Variants in METTL15 observed in about 807,000 individuals in gnomAD.
METTL15 encodes methyltransferase 15, mitochondrial 12S rRNA N4-cytidine.
Under a neutral mutation model 38.3 loss-of-function variants are expected in METTL15, and 34 were observed. The observed-to-expected ratio is 0.89, with a 90% CI of 0.68 to 1.18. The LOEUF (loss-of-function observed/expected upper bound fraction) is 1.18, where lower values mean the gene tolerates loss of function less well. Ranked by LOEUF, METTL15 falls within the 50% of genes most tolerant of loss-of-function variation. The pLI is 0.00. For missense variants in METTL15, 438 were observed against 498.4 expected, an observed-to-expected ratio of 0.88 and a Z score of 1.15; for synonymous variants, 162 against 170.9, an observed-to-expected ratio of 0.95 and a Z score of 0.41.
In METTL15 at chr11:28,126,443, C is replaced by T. The variant is rs76826155; in HGVS notation, c.270+12839C>T. On this transcript the variant is annotated intron_variant, in intron 3 of 6. Transcript: ENST00000407364. ...TTTGTCTGACTTTTACCACTGTATC[C>T]TCAGTGCTAAGAGCATTTGATATGT... Among the ~76,000 whole-genome samples, 1,059 of 152,138 alleles carry T rather than the reference C, an allele frequency of 7.0e-3. 7 individuals carry two copies. Among genetic ancestry groups the T allele is most frequent in the African/African-American group, 0.023 (963 of 41,522 alleles).
intron 4 of METTL15, among the ~76,000 whole-genome samples, chr11:28,245,734 G>A (rs1327022777): frequency 6.6e-6 from 1 of 152,154 alleles, no homozygotes; most frequent in Non-Finnish European, 1.5e-5. Context: ...CATGGCTGGG[G>A]ATGCCTCAGG....
At chr11:28,175,392 G>C (rs757993953) in intron 3 of METTL15, among the ~76,000 whole-genome samples, 40 of 152,202 alleles carry the variant, frequency 2.6e-4, no homozygotes, top group Non-Finnish European at 5.6e-4. Context: ...ATTGTGAATA[G>C]TGCTGTAATA....
At chr11:28,274,725 T>G (rs1342871632) in intron 4 of METTL15, among the ~76,000 whole-genome samples, 1 of 152,018 alleles carries the variant, frequency 6.6e-6, no homozygotes, top group East Asian at 1.9e-4. Context: ...CTTGGTTGTA[T>G]GTAGTTTTGC....
At chr11:28,281,946 G>T (rs1329299565) in intron 4 of METTL15, among the ~76,000 whole-genome samples, 1 of 152,164 alleles carries the variant, frequency 6.6e-6, no homozygotes, top group Non-Finnish European at 1.5e-5. Context: ...CTGAGTGAGA[G>T]AAATATAATT....
intron 4 of METTL15, among the ~76,000 whole-genome samples, chr11:28,355,058 A>G (rs1434146427): frequency 6.6e-6 from 1 of 152,202 alleles, no homozygotes; most frequent in Non-Finnish European, 1.5e-5. Flanking sequence ...TGAAGGACCC[A>G]CAAAAGCACT....
intron 6 of METTL15, among the ~76,000 whole-genome samples, chr11:28,462,066 C>T (rs1851220549): frequency 6.6e-6 from 1 of 152,044 alleles, no homozygotes; most frequent in East Asian, 1.9e-4. Context: ...ATGTGACTCA[C>T]TATCCATGAT....
intron 5 of METTL15, among the ~76,000 whole-genome samples, chr11:28,421,666 A>G (rs1320768031): frequency 7.2e-5 from 11 of 151,942 alleles, no homozygotes; most frequent in Admixed American, 2.0e-4. Context: ...CATCTGCATG[A>G]TAAAAACCCT....
At position 28,199,933 on chromosome 11, in the gene METTL15, G is replaced by A. The variant is rs182968721; in HGVS notation, c.271-11129G>A. 4.9e-3 allele frequency among the ~76,000 whole-genome samples: 742 copies of A among 151,904 alleles called. 3 individuals carry two copies. The highest frequency in any genetic ancestry group is 8.5e-3 in the Non-Finnish European group (576 of 67,938). ...AATTTTTTGTATTTTTAGTAGAGAC[G>A]GGGTTTCACCATGTTGGTCAGGCTG... On this transcript the variant is annotated intron_variant, in intron 3 of 6. Transcript: ENST00000407364.
At chr11:28,354,181 C>G (rs1850069976) in intron 4 of METTL15, among the ~76,000 whole-genome samples, 1 of 152,192 alleles carries the variant, frequency 6.6e-6, no homozygotes, top group Non-Finnish European at 1.5e-5. Context: ...CAGCAGAACT[C>G]TTAAGGACCC....
intron 4 of METTL15, among the ~76,000 whole-genome samples, chr11:28,358,545 A>G (rs1175767846): frequency 6.6e-6 from 1 of 152,210 alleles, no homozygotes; most frequent in Non-Finnish European, 1.5e-5. Flanking sequence ...TCTACCCAGA[A>G]TCCCAGAGAT....
chr11:28,186,701 A>G (rs540551870), intron 3 of METTL15, among the ~76,000 whole-genome samples: 2 of 151,360 alleles, frequency 1.3e-5, no homozygotes, highest in East Asian at 3.9e-4. Context: ...TTTTTATTAA[A>G]AAACAATATA....
intron 3 of METTL15, among the ~76,000 whole-genome samples, chr11:28,161,668 G>A (rs1420417985): frequency 4.0e-5 from 6 of 151,838 alleles, no homozygotes; most frequent in Admixed American, 1.3e-4. Context: ...CTAGGTTGTC[G>A]TAAAGGGTGA....
At chr11:28,272,104 T>C (rs1855665772) in intron 4 of METTL15, among the ~76,000 whole-genome samples, 1 of 152,158 alleles carries the variant, frequency 6.6e-6, no homozygotes, top group Non-Finnish European at 1.5e-5. Flanking sequence ...ATAGGAACGC[T>C]CTTACACTGT....
downstream of METTL15, among the ~76,000 whole-genome samples, chr11:28,338,375 G>T (rs757232054): frequency 3.9e-5 from 6 of 151,998 alleles, no homozygotes; most frequent in Non-Finnish European, 8.8e-5. Context: ...TGTTGGTTTT[G>T]TTACCAGGCC....
chr11:28,305,211 GA>G (rs1310737870), intron 6 of METTL15, among the ~76,000 whole-genome samples: 1 of 151,974 alleles, frequency 6.6e-6, no homozygotes, highest in Non-Finnish European at 1.5e-5. Context: ...ATGGAATGTG[GA>G]AAAAAAGAAA....
At chr11:28,399,189 G>A (rs1850605317) in intron 5 of METTL15, 1 of 152,028 alleles carries the variant, frequency 6.6e-6, no homozygotes, top group Non-Finnish European at 1.5e-5. Context: ...ACAAAAACAA[G>A]CAATGGGTAA....
intron 5 of METTL15, among the ~76,000 whole-genome samples, chr11:28,406,127 T>G (rs1850671718): frequency 6.6e-6 from 1 of 152,210 alleles, no homozygotes; most frequent in Non-Finnish European, 1.5e-5. Flanking sequence ...AAATAGTTTT[T>G]TTTCTAATTC....
chr11:28,192,936 G>A (rs1851752514), intron 3 of METTL15, among the ~76,000 whole-genome samples: 1 of 152,028 alleles, frequency 6.6e-6, no homozygotes, highest in Non-Finnish European at 1.5e-5. Flanking sequence ...CTTTATGTGT[G>A]TAGACTTTTT....
At chr11:28,159,839 G>A (rs1216417261) in intron 3 of METTL15, among the ~76,000 whole-genome samples, 3 of 152,108 alleles carry the variant, frequency 2.0e-5, no homozygotes, top group Non-Finnish European at 4.4e-5. Context: ...AAGATTATGT[G>A]TGATTTCAGG....
Sources: gnomAD v4.1 joint callset for allele counts (sites outside exome capture counted in the v4.1 genomes callset) on GRCh38, gnomAD v4.1.1 for gene constraint, MANE v1.5 for transcripts, NCBI Gene and HGNC (gene_info 2026-07-23, HGNC 2026-07-21) for gene names.